Variants in PTPN13 observed in about 807,000 individuals in gnomAD.
The protein encoded by PTPN13 is protein tyrosine phosphatase non-receptor type 13.
A neutral mutation model predicts 284.0 loss-of-function variants in PTPN13; 191 were observed. That is an observed-to-expected ratio of 0.67 (90% CI 0.60 to 0.76). The LOEUF (loss-of-function observed/expected upper bound fraction) is 0.76. PTPN13 is among the 30% of genes least tolerant of loss of function. PTPN13 has a pLI of 0.00. For synonymous variants in PTPN13, 986 were observed against 1,022.3 expected (o/e 0.96, Z 0.68); for missense variants, 2,797 against 2,939.9 (o/e 0.95, Z 1.12).
chr4:86,769,214 C>A (rs554456606), intron 28 of PTPN13, among the ~76,000 whole-genome samples: 4 of 152,230 alleles, frequency 2.6e-5, no homozygotes, highest in Non-Finnish European at 5.9e-5. Flanking sequence ...TTCCACATAA[C>A]CTCCTCTAAC....
chr4:86,754,139 A>G (rs986466351), intron 20 of PTPN13, among the ~76,000 whole-genome samples: 3 of 152,056 alleles, frequency 2.0e-5, no homozygotes, highest in African/African-American at 4.8e-5. Flanking sequence ...ACTACACACA[A>G]TGTCTTAAAT....
chr4:86,786,158 CAATT>C (rs893944287), intron 40 of PTPN13, among the ~76,000 whole-genome samples: 2 of 151,004 alleles, frequency 1.3e-5, no homozygotes, highest in South Asian at 2.1e-4. Flanking sequence ...GAAAAAAAAA[CAATT>C]AGTTTTCAAA....
intron 7 of PTPN13, among the ~76,000 whole-genome samples, chr4:86,711,106 T>TTTTTTTTG (rs1732366439): frequency 6.7e-6 from 1 of 148,288 alleles, no homozygotes; most frequent in African/African-American, 2.5e-5. Flanking sequence ...GCCTTTTTTT[T>TTTTTTTTG]TTTTTTTTTT....
chr4:86,672,608 G>A (rs1455926589), intron 3 of PTPN13, 65 bp downstream of exon 3: 5 of 1,285,838 alleles, frequency 3.9e-6, no homozygotes, highest in South Asian at 3.1e-5. Flanking sequence ...AAAGACAATG[G>A]GCTACCATGT....
intron 2 of PTPN13, among the ~76,000 whole-genome samples, chr4:86,639,702 A>G (rs1464943857): frequency 1.3e-5 from 2 of 152,084 alleles, no homozygotes; most frequent in African/African-American, 4.8e-5. Context: ...AGGGGGAAGG[A>G]TAGCATTAGG....
chr4:86,773,408 AT>A (rs66811752), intron 32 of PTPN13, among the ~76,000 whole-genome samples: 5,621 of 150,296 alleles, frequency 0.037, 355 homozygotes, highest in African/African-American at 0.13. Context: ...TTTGAATGTA[AT>A]TTTTTTTTTC....
intron 2 of PTPN13, among the ~76,000 whole-genome samples, chr4:86,641,918 T>A (rs1038195598): frequency 1.3e-5 from 2 of 152,240 alleles, no homozygotes; most frequent in African/African-American, 4.8e-5. Context: ...ACAATTTTTT[T>A]AAACTTTATT....
rs773411133 is a variant in PTPN13, at chr4:86,782,233, G to T, written c.5995G>T (p.Ala1999Ser). The T allele has an allele frequency of 6.2e-7, 1 of 1,609,786 alleles. No homozygotes were observed. The highest frequency in any genetic ancestry group is 8.5e-7 in the Non-Finnish European group (1 of 1,176,164). The change falls in exon 37 of 48, where the codon GCC becomes TCC. Residue 1999 changes from alanine (A) to serine (S), a missense_variant. Ala to Ser is a moderately conservative substitution (Grantham distance 99, BLOSUM62 1). Transcript: ENST00000411767. ...SYSVGSCSQPALTPNDSFSTV... is the reference protein window; with the variant it reads ...SYSVGSCSQPSLTPNDSFSTV... ...CAGTGTGGGGTCTTGCAGCCAGCCT[G>T]CCCTCACTCCTAATGATTCATTCTC... is the stretch of plus-strand genomic sequence containing the variant.
chr4:86,686,829 C>T, intron 4 of PTPN13, 54 bp downstream of exon 4: 2 of 1,217,648 alleles, frequency 1.6e-6, no homozygotes, highest in Non-Finnish European at 2.3e-6. Flanking sequence ...AATTTTACAC[C>T]TTATATCATA....
chr4:86,714,892 G>A (rs1334576220), intron 7 of PTPN13, among the ~76,000 whole-genome samples: 1 of 152,172 alleles, frequency 6.6e-6, no homozygotes, highest in African/African-American at 2.4e-5. Context: ...CTACAAAGTA[G>A]TGTAAGAGTT....
chr4:86,722,199 C>T lies in PTPN13; in HGVS notation c.1386-13C>T, dbSNP rs553354786. 3 of 1,595,192 alleles carry T rather than the reference C, an allele frequency of 1.9e-6. No individual in the cohort carries two copies. The highest frequency in any genetic ancestry group is 2.2e-5 in the East Asian group (1 of 44,740). On this transcript the variant is annotated splice_polypyrimidine_tract_variant and intron_variant, in intron 9 of 47. Transcript: ENST00000411767. ...TCCTCCCAATCCTCACCTGTCTCCT[C>T]TTTTCTATATAGCAGACAATATGAA...
At chr4:86,737,463 A>C (rs1735654663) in intron 15 of PTPN13, among the ~76,000 whole-genome samples, 1 of 152,044 alleles carries the variant, frequency 6.6e-6, no homozygotes, top group South Asian at 2.1e-4. Context: ...AGCAAAGTCC[A>C]GTCATAACAA....
At chr4:86,707,148 C>T (rs1731864760) in intron 7 of PTPN13, among the ~76,000 whole-genome samples, 1 of 152,142 alleles carries the variant, frequency 6.6e-6, no homozygotes, top group Non-Finnish European at 1.5e-5. Flanking sequence ...GTGAGCAGTA[C>T]TCCCACACCC....
chr4:86,681,512 C>T (rs1398077232), intron 3 of PTPN13, among the ~76,000 whole-genome samples: 3 of 152,120 alleles, frequency 2.0e-5, no homozygotes, highest in Non-Finnish European at 4.4e-5. Context: ...CATCCAATCC[C>T]GAATGTCAGT....
chr4:86,797,308 A>G (rs1743452641), intron 41 of PTPN13, among the ~76,000 whole-genome samples: 1 of 152,044 alleles, frequency 6.6e-6, no homozygotes, highest in Non-Finnish European at 1.5e-5. Context: ...CCTGGCCAAC[A>G]TGGTGAAACC....
In PTPN13 at chr4:86,639,500, A is replaced by C. The variant is rs560126886; in HGVS notation, c.115+4129A>C. 4.7e-5 allele frequency among the ~76,000 whole-genome samples: 7 copies of C among 149,906 alleles called. No homozygotes were observed. The South Asian group carries it at 1.5e-3, about 31-fold the overall frequency. On this transcript the variant is annotated intron_variant, in intron 2 of 47. Coordinates refer to ENST00000411767, the MANE Select transcript of PTPN13 (RefSeq NM_080683.3). ...CACCATGGAATACTATGCAGCCATA[A>C]AAAAATGATGAGTTCATGTCCTTTG...
At chr4:86,659,313 T>C (rs1726205726) in intron 2 of PTPN13, among the ~76,000 whole-genome samples, 1 of 152,122 alleles carries the variant, frequency 6.6e-6, no homozygotes, top group African/African-American at 2.4e-5. Context: ...CATCAAAATC[T>C]AACACTCATA....
rs1327377346 is a variant in PTPN13 at position 86,716,627 on chromosome 4, T to C, written c.1291+2T>C. 5.8e-6 allele frequency: 9 copies of C among 1,554,658 alleles called. No homozygotes were observed. The highest frequency in any genetic ancestry group is 2.3e-5 in the East Asian group (1 of 44,086). ...CCTCTGAATCAGATTTCAGACAAGG[T>C]AGGAGGCATCTGAAACAAGCAAACT... On this transcript the variant is annotated splice_donor_variant, in intron 8 of 47. Transcript: ENST00000411767. LOFTEE classifies it high-confidence loss of function.
At chr4:86,723,686 A>G (rs1193755141) in intron 10 of PTPN13, among the ~76,000 whole-genome samples, 1 of 152,138 alleles carries the variant, frequency 6.6e-6, no homozygotes, top group South Asian at 2.1e-4. Context: ...GCTTCCTATG[A>G]TCGTGCCTGT....
Sources: gnomAD v4.1 joint callset for allele counts (sites outside exome capture counted in the v4.1 genomes callset) on GRCh38, gnomAD v4.1.1 for gene constraint, MANE v1.5 for transcripts, NCBI Gene and HGNC (gene_info 2026-07-23, HGNC 2026-07-21) for gene names.